The following RNF217 variants were observed in gnomAD, a reference collection of about 807,000 sequenced individuals.
RNF217 encodes the protein E3 ubiquitin-protein ligase RNF217.
In RNF217, 31 loss-of-function variants were observed where a neutral mutation model predicts 57.8. The observed-to-expected ratio is 0.54, with a 90% CI of 0.40 to 0.72. RNF217 has a LOEUF of 0.72. Among genes scored for constraint, RNF217 ranks in the 30% least tolerant of loss-of-function variants. The pLI, the probability that RNF217 is intolerant of heterozygous loss-of-function variation, is 0.00. For missense variants in RNF217, 696 were observed against 708.3 expected (o/e 0.98, Z 0.20); for synonymous variants, 313 against 294.0 (o/e 1.06, Z -0.66).
At position 124,979,724 on chromosome 6, in the gene RNF217, G is replaced by A. The variant is rs149516201; in HGVS notation, c.882+16298G>A. On this transcript the variant is annotated intron_variant, in intron 1 of 5. Transcript: ENST00000521654. Reference sequence around the variant, plus strand: ...ATTTCAACTATGATGGTAAATCTTCGGACAGTTTGCTTGAGCTGTAACATG... The same window carrying A: ...ATTTCAACTATGATGGTAAATCTTCAGACAGTTTGCTTGAGCTGTAACATG... 2.2e-3 allele frequency among the ~76,000 whole-genome samples: 331 copies of A among 152,252 alleles called. 1 individual carries two copies. The highest frequency in any genetic ancestry group is 3.3e-3 in the Non-Finnish European group (223 of 68,030).
intron 1 of RNF217, among the ~76,000 whole-genome samples, chr6:125,034,688 T>G (rs1786525202): frequency 6.6e-6 from 1 of 152,176 alleles, no homozygotes; most frequent in African/African-American, 2.4e-5. Context: ...GGCTCTTTTT[T>G]GGTTCCATAT....
intron 1 of RNF217, among the ~76,000 whole-genome samples, chr6:124,981,501 A>C (rs1296735887): frequency 6.6e-6 from 1 of 152,186 alleles, no homozygotes; most frequent in Non-Finnish European, 1.5e-5. Flanking sequence ...GGTAGATAAG[A>C]GACAAAAGAT....
At chr6:125,002,606 C>T (rs575553595) in intron 1 of RNF217, among the ~76,000 whole-genome samples, 2 of 152,168 alleles carry the variant, frequency 1.3e-5, no homozygotes, top group East Asian at 3.9e-4. Context: ...CCCCGTTTTC[C>T]TCTTCTTGCT....
intron 1 of RNF217, among the ~76,000 whole-genome samples, chr6:125,044,426 T>C (rs1327626133): frequency 6.6e-6 from 1 of 152,130 alleles, no homozygotes; most frequent in East Asian, 1.9e-4. Flanking sequence ...TTATTGTAAT[T>C]TTTAATGCTA....
Position 125,083,840 on chromosome 6 carries a change from T to C in RNF217, c.*903T>C, listed in dbSNP as rs1788689317. 1 of 152,124 alleles carries C rather than the reference T, an allele frequency of 6.6e-6. No individual in the cohort carries two copies. Among genetic ancestry groups the C allele is most frequent in the Admixed American group, 6.6e-5 (1 of 15,258 alleles). The allele number at this position is 152,124 out of a possible 1,614,324, so 9.4% of individuals were successfully genotyped here. On this transcript the variant is annotated 3_prime_UTR_variant, in exon 6 of 6. Transcript: ENST00000521654. ...TTTGTAAACTGACAAAACTGGCTGC[T>C]TTTAGGAAATTCTCAAGACACAAAT...
chr6:125,038,456 AT>A (rs1353397473), intron 1 of RNF217, among the ~76,000 whole-genome samples: 1 of 152,132 alleles, frequency 6.6e-6, no homozygotes. Context: ...GATATCTGGT[AT>A]TTTCTTCAAA....
chr6:124,967,129 C>T (rs547104928), intron 1 of RNF217, among the ~76,000 whole-genome samples: 16 of 152,222 alleles, frequency 1.1e-4, no homozygotes, highest in African/African-American at 2.2e-4. Flanking sequence ...TTATATTGCT[C>T]GTGTACATAA....
At chr6:124,967,948 T>C (rs560688051) in intron 1 of RNF217, among the ~76,000 whole-genome samples, 5 of 152,166 alleles carry the variant, frequency 3.3e-5, no homozygotes, top group Admixed American at 6.5e-5. Context: ...CAAGCTAATT[T>C]TTTGTATTTT....
intron 1 of RNF217, among the ~76,000 whole-genome samples, chr6:125,002,736 C>T (rs890170923): frequency 2.0e-5 from 3 of 152,112 alleles, no homozygotes; most frequent in African/African-American, 7.2e-5. Context: ...TATCAAACTT[C>T]ATATCCCTTA....
intron 3 of RNF217, among the ~76,000 whole-genome samples, chr6:125,067,783 T>C (rs11154291): frequency 0.041 from 6,223 of 152,216 alleles, 386 homozygotes; most frequent in African/African-American, 0.14. Context: ...GATAAAGATC[T>C]ACCTTTGTTG....
At chr6:124,965,955 G>A (rs1017466828) in intron 1 of RNF217, among the ~76,000 whole-genome samples, 1 of 152,192 alleles carries the variant, frequency 6.6e-6, no homozygotes, top group African/African-American at 2.4e-5. Flanking sequence ...GTATATAACA[G>A]ATGGGCAACT....
chr6:124,964,369 A>C (rs1388160992), intron 1 of RNF217, among the ~76,000 whole-genome samples: 3 of 152,074 alleles, frequency 2.0e-5, no homozygotes, highest in Non-Finnish European at 2.9e-5. Context: ...ACAGTATCTT[A>C]TATTATCTTA....
Position 124,965,636 on chromosome 6 carries a change from A to G in RNF217, c.882+2210A>G, listed in dbSNP as rs528257439. Among the ~76,000 whole-genome samples, 95 of 152,146 alleles carry G rather than the reference A, an allele frequency of 6.2e-4. 3 individuals carry two copies. The highest frequency in any genetic ancestry group is 4.9e-4 in the Non-Finnish European group (33 of 68,002). ...AGCAACAAAAAGATGAGTCATAGAT[A>G]CCGGGCATGCTTTCACCTCAGGGCT... is the stretch of plus-strand genomic sequence containing the variant. On this transcript the variant is annotated intron_variant, in intron 1 of 5. Transcript: ENST00000521654.
At chr6:125,032,920 T>C (rs1361838572) in intron 1 of RNF217, among the ~76,000 whole-genome samples, 1 of 152,172 alleles carries the variant, frequency 6.6e-6, no homozygotes, top group African/African-American at 2.4e-5. Context: ...TTAACTGTAA[T>C]ATTAAACATT....
At position 125,048,108 on chromosome 6, in the gene RNF217, TTAAC is replaced by T. The variant is rs1273012516; in HGVS notation, c.1116+2667_1116+2670del. 51 of 931,784 alleles carry T rather than the reference TTAAC, an allele frequency of 5.5e-5. No individual in the cohort carries two copies. In the Admixed American group the frequency reaches 8.5e-4, roughly 15 times the overall value. The allele number at this position is 931,784 out of a possible 1,614,324, so 57.7% of individuals were successfully genotyped here. On this transcript the variant is annotated intron_variant, in intron 2 of 5. Coordinates refer to ENST00000521654, the MANE Select transcript of RNF217 (RefSeq NM_001286398.3). Reference sequence around the variant, plus strand: ...TTAAACTCTGTGGTTTATGTTAACATTAACTACCTGGTTTACATGCCCATACCTG... The same window carrying T: ...TTAAACTCTGTGGTTTATGTTAACATTACCTGGTTTACATGCCCATACCTG...
chr6:124,988,804 A>G (rs933042972), intron 1 of RNF217, among the ~76,000 whole-genome samples: 4 of 152,160 alleles, frequency 2.6e-5, no homozygotes, highest in African/African-American at 9.7e-5. Flanking sequence ...ATTCATAGAG[A>G]CTGATTTTCC....
intron 3 of RNF217, among the ~76,000 whole-genome samples, chr6:125,062,241 A>G (rs1787764042): frequency 6.6e-6 from 1 of 152,066 alleles, no homozygotes; most frequent in African/African-American, 2.4e-5. Flanking sequence ...TGTATTAAGC[A>G]TTACTTCTCT....
intron 3 of RNF217, among the ~76,000 whole-genome samples, chr6:125,075,398 C>A (rs1788321815): frequency 6.6e-6 from 1 of 152,152 alleles, no homozygotes; most frequent in African/African-American, 2.4e-5. Flanking sequence ...TTAATTGACT[C>A]ATGGTTCCGC....
Position 125,030,032 on chromosome 6 carries a change from A to T in RNF217, c.883-15179A>T, listed in dbSNP as rs371411637. ...GGGGAGGCCTCAGAATCATGGCGGGAGGTGAAAGGCATTTCTTACATGGCA... is the reference window on the plus strand; with the variant it reads ...GGGGAGGCCTCAGAATCATGGCGGGTGGTGAAAGGCATTTCTTACATGGCA... On this transcript the variant is annotated intron_variant, in intron 1 of 5. Transcript: ENST00000521654. Among the ~76,000 whole-genome samples the T allele has an allele frequency of 1.2e-3, 185 of 152,220 alleles. 3 individuals carry two copies. The highest frequency in any genetic ancestry group is 4.3e-3 in the African/African-American group (178 of 41,562).
Sources: allele counts gnomAD v4.1 joint callset (sites outside exome capture counted in the v4.1 genomes callset), GRCh38; gene constraint gnomAD v4.1.1; transcripts MANE v1.5; gene names NCBI Gene and HGNC (gene_info 2026-07-23, HGNC 2026-07-21).